Variants in OTOGL observed in about 807,000 individuals in gnomAD.
OTOGL encodes the protein otogelin-like protein.
OTOGL carries 285 observed loss-of-function variants against 318.5 expected under a neutral mutation model. The ratio of observed to expected loss-of-function variants is 0.89; its 90% confidence interval spans 0.81 to 0.99. OTOGL has a LOEUF of 0.99. OTOGL is among the 50% of genes least tolerant of loss of function. The pLI, the probability that OTOGL is intolerant of heterozygous loss-of-function variation, is 0.00. For synonymous variants in OTOGL, 987 were observed against 936.5 expected, an observed-to-expected ratio of 1.05 and a Z score of -0.99; for missense variants, 2,899 against 2,845.6, an observed-to-expected ratio of 1.02 and a Z score of -0.43.
intron 1 of OTOGL, among the ~76,000 whole-genome samples, chr12:80,184,115 A>T (rs377708067): frequency 3.9e-5 from 6 of 152,292 alleles, no homozygotes; most frequent in Admixed American, 6.5e-5. Flanking sequence ...AATGGAAAAT[A>T]TGTAGCATGT....
intron 7 of OTOGL, among the ~76,000 whole-genome samples, chr12:80,227,896 C>T (rs1040435532): frequency 6.6e-6 from 1 of 152,102 alleles, no homozygotes; most frequent in Non-Finnish European, 1.5e-5. Context: ...TACCCTATCC[C>T]CTTTCCCTGC....
chr12:80,312,875 G>A (rs1187119360), intron 30 of OTOGL, among the ~76,000 whole-genome samples: 1 of 151,820 alleles, frequency 6.6e-6, no homozygotes, highest in Non-Finnish European at 1.5e-5. Flanking sequence ...GCAGTGGTGC[G>A]ATCTCAGCTC....
At chr12:80,373,851 C>T (rs990481112) in intron 57 of OTOGL, among the ~76,000 whole-genome samples, 10 of 152,062 alleles carry the variant, frequency 6.6e-5, no homozygotes, top group African/African-American at 2.4e-4. Flanking sequence ...CTTCTTAACT[C>T]TTCATGGTAT....
intron 8 of OTOGL, 90 bp from the exon 9 acceptor site, chr12:80,232,802 T>C (rs1879480702): frequency 9.0e-7 from 1 of 1,114,728 alleles, no homozygotes; most frequent in African/African-American, 1.6e-5. Flanking sequence ...AATCATTTTC[T>C]TTTAATTGTA....
chr12:80,123,848 A>G (rs1412795156), intron 1 of OTOGL, among the ~76,000 whole-genome samples: 2 of 151,640 alleles, frequency 1.3e-5, no homozygotes, highest in African/African-American at 2.4e-5. Context: ...TTTGAGAAGT[A>G]TCTGTTCATA....
intron 11 of OTOGL, among the ~76,000 whole-genome samples, chr12:80,241,571 A>G (rs1248940872): frequency 2.6e-5 from 4 of 152,082 alleles, no homozygotes; most frequent in Non-Finnish European, 5.9e-5. Flanking sequence ...GTCTTGGACT[A>G]TTCTCCAGTC....
At chr12:80,172,245 A>G (rs1005080876) in intron 1 of OTOGL, among the ~76,000 whole-genome samples, 1 of 151,886 alleles carries the variant, frequency 6.6e-6, no homozygotes, top group South Asian at 2.1e-4. Context: ...CTCAAATGTC[A>G]TATTCTTTGT....
Position 80,355,727 on chromosome 12 carries a change from C to T in OTOGL, c.5594-9C>T. The T allele has an allele frequency of 6.2e-7, 1 of 1,603,890 alleles. No individual in the cohort carries two copies. The highest frequency in any genetic ancestry group is 1.1e-5 in the South Asian group (1 of 89,954). On this transcript the variant is annotated splice_polypyrimidine_tract_variant and intron_variant, in intron 46 of 58. Coordinates refer to ENST00000547103, the MANE Select transcript of OTOGL (RefSeq NM_001378609.3). ...TTTTGAGTGTTATAATACTGTTGAT[C>T]TTTTTAAGCATGCACTGATAGTGAA...
chr12:80,369,297 G>A (rs1890739184), intron 55 of OTOGL, among the ~76,000 whole-genome samples: 2 of 151,968 alleles, frequency 1.3e-5, no homozygotes, highest in African/African-American at 2.4e-5. Context: ...TGTCTTTAAA[G>A]TGCCTTCTCC....
intron 35 of OTOGL, among the ~76,000 whole-genome samples, chr12:80,326,863 C>A (rs1230046034): frequency 6.6e-6 from 1 of 152,176 alleles, no homozygotes; most frequent in Admixed American, 6.5e-5. Context: ...CTGGATTTGC[C>A]TCCAAGAACA....
At chr12:80,215,378 G>T (rs930682036) in intron 4 of OTOGL, among the ~76,000 whole-genome samples, 6 of 151,852 alleles carry the variant, frequency 4.0e-5, no homozygotes, top group Non-Finnish European at 8.8e-5. Context: ...TGTTGGTCAG[G>T]CTGGTCTTGA....
At chr12:80,370,104 C>A (rs1225961039) in intron 55 of OTOGL, among the ~76,000 whole-genome samples, 3 of 151,872 alleles carry the variant, frequency 2.0e-5, no homozygotes, top group Non-Finnish European at 4.4e-5. Context: ...TTTCTTTAAA[C>A]TTTTTGGCAA....
At chr12:80,109,544 G>A (rs200241801) in intron 1 of OTOGL, among the ~76,000 whole-genome samples, 5 of 152,108 alleles carry the variant, frequency 3.3e-5, no homozygotes, top group East Asian at 1.9e-4. Context: ...ATATTTATAC[G>A]GGTTTGGATG....
chr12:80,302,639 A>G lies in OTOGL; in HGVS notation c.3069A>G (p.Gln1023=), dbSNP rs144125797. Residue 1023 remains glutamine (Q), a synonymous_variant, in exon 28 of 59, where the codon CAA becomes CAG. Coordinates refer to ENST00000547103, the MANE Select transcript of OTOGL (RefSeq NM_001378609.3). ...TTTTCTTTTTTGTTTTTAAGAAACA[A>G]TCAGGTTTTTTTCTGGAAAACAAAT... The part of the protein sequence containing the change: ...YLNDTPYKQK[Q]SGFFLENKST... 9.2e-4 allele frequency: 1,254 copies of G among 1,366,972 alleles called. 4 individuals are homozygous for G. Among genetic ancestry groups the G allele is most frequent in the Middle Eastern group, 8.9e-3 (36 of 4,060 alleles). The allele number at this position is 1,366,972 out of a possible 1,614,324, so 84.7% of individuals were successfully genotyped here. A position where few individuals can be genotyped will look rare whatever the true frequency, so the allele number is the denominator to read the frequency against.
intron 1 of OTOGL, among the ~76,000 whole-genome samples, chr12:80,105,927 C>T (rs555822634): frequency 6.6e-6 from 1 of 152,274 alleles, no homozygotes; most frequent in Non-Finnish European, 1.5e-5. Context: ...AAACATCAAC[C>T]ATTTACGGAT....
chr12:80,223,711 G>A (rs1421477699), intron 7 of OTOGL, among the ~76,000 whole-genome samples: 2 of 151,820 alleles, frequency 1.3e-5, no homozygotes, highest in East Asian at 3.9e-4. Context: ...ATGTTTGTTG[G>A]CCATTTGTAT....
chr12:80,180,730 C>T (rs528552507), intron 1 of OTOGL, among the ~76,000 whole-genome samples: 113 of 151,956 alleles, frequency 7.4e-4, no homozygotes, highest in African/African-American at 2.6e-3. Context: ...TTTTTTTTGC[C>T]AGTGTCAAGG....
At chr12:80,131,608 A>G (rs940452686) in intron 1 of OTOGL, among the ~76,000 whole-genome samples, 1 of 152,168 alleles carries the variant, frequency 6.6e-6, no homozygotes, top group Non-Finnish European at 1.5e-5. Context: ...CATTTACTGC[A>G]TATTTACTGT....
chr12:80,202,243 G>A (rs947442411), intron 1 of OTOGL, among the ~76,000 whole-genome samples: 7 of 150,422 alleles, frequency 4.7e-5, no homozygotes, highest in Non-Finnish European at 1.0e-4. Context: ...ACCTTTATCT[G>A]TCCTCTTGTC....
Sources: allele counts gnomAD v4.1 joint callset (sites outside exome capture counted in the v4.1 genomes callset), GRCh38; gene constraint gnomAD v4.1.1; transcripts MANE v1.5; gene names NCBI Gene and HGNC (gene_info 2026-07-23, HGNC 2026-07-21).